PSRC1: variants seen among roughly 807,000 people sequenced by gnomAD.
PSRC1 encodes proline/serine-rich coiled-coil protein 1.
Under a neutral mutation model 31.9 loss-of-function variants are expected in PSRC1, and 30 were observed. That is an observed-to-expected ratio of 0.94 (90% CI 0.70 to 1.28). The LOEUF (loss-of-function observed/expected upper bound fraction) is 1.28. Among genes scored for constraint, PSRC1 ranks in the 50% most tolerant of loss-of-function variants. The probability of loss-of-function intolerance (pLI) is 0.00; values close to 1 mark genes in which losing one functional copy is unlikely to be tolerated. For synonymous variants in PSRC1, 191 were observed against 192.1 expected (o/e 0.99, Z 0.05); for missense variants, 481 against 472.8 (o/e 1.02, Z -0.16).
Position 109,282,434 on chromosome 1 carries a change from A to G in PSRC1, c.77+84T>C, listed in dbSNP as rs182079453. ...TGCGCCAAACCTTGCTAAGTTACCAACCCAAGCCAATAATTCAGCAGTAAG... is the reference window on the plus strand; with the variant it reads ...TGCGCCAAACCTTGCTAAGTTACCAGCCCAAGCCAATAATTCAGCAGTAAG... On this transcript the variant is annotated intron_variant, in intron 3 of 6. Transcript: ENST00000409138. 4.2e-5 allele frequency: 58 copies of G among 1,377,730 alleles called. No homozygotes were observed. In the East Asian group the frequency reaches 1.3e-3, roughly 31 times the overall value. 85.3% of individuals were successfully genotyped at this position (1,377,730 alleles called of 1,614,324 possible).
At chr1:109,280,190 G>T in intron 6 of PSRC1, 34 bp from the exon 8 acceptor site, 1 of 1,612,438 alleles carries the variant, frequency 6.2e-7, no homozygotes, top group South Asian at 1.1e-5. Context: ...GCTTTAAAAT[G>T]CCCTTCTTCC....
intron 5 of PSRC1, 102 bp from the exon 7 acceptor site, chr1:109,280,591 C>T (rs969424742): frequency 9.5e-7 from 1 of 1,050,594 alleles, no homozygotes; most frequent in African/African-American, 1.6e-5. Context: ...GTACTCTCCC[C>T]CTGACCATGA....
At chr1:109,281,836 T>G (rs770308518) in exon 4 of PSRC1, 1 of 1,613,920 alleles carries the variant, frequency 6.2e-7, no homozygotes, top group Non-Finnish European at 8.5e-7. Flanking sequence ...CCCCAGGCCC[T>G]CGCCTGCGCT....
chr1:109,280,876 G>A, exon 5 of PSRC1: 1 of 1,614,042 alleles, frequency 6.2e-7, no homozygotes, highest in Non-Finnish European at 8.5e-7. Context: ...CCTCTGCCAG[G>A]TGGCACACTC....
exon 7 of PSRC1, chr1:109,279,713 C>A: frequency 5.1e-6 from 1 of 195,088 alleles, no homozygotes; most frequent in Non-Finnish European, 1.1e-5. Context: ...GGCCAGAGTC[C>A]AGTAGAGAAT....
At chr1:109,281,826 C>G (rs780432029) in exon 4 of PSRC1, 3 of 1,613,832 alleles carry the variant, frequency 1.9e-6, no homozygotes, top group Non-Finnish European at 2.5e-6. Context: ...CTCGGCGAGG[C>G]CCCAGGCCCT....
chr1:109,282,228 A>G (rs945488062), intron 3 of PSRC1, 168 bp from the exon 4 acceptor site: 1 of 651,424 alleles, frequency 1.5e-6, no homozygotes, highest in African/African-American at 1.8e-5. Flanking sequence ...ACCTGGTTCT[A>G]TGGGGCCTAA....
Position 109,281,617 on chromosome 1 carries a change from A to T in PSRC1, c.519+2T>A. 1 of 1,606,834 alleles carries T rather than the reference A, an allele frequency of 6.2e-7. No individual in the cohort carries two copies. Among genetic ancestry groups the T allele is most frequent in the South Asian group, 1.1e-5 (1 of 90,166 alleles). ...ACCTCCAACTCAACTCTCTCAACTC[A>T]CCCTCTTCATGTTGGAGGGCCTCTT... On this transcript the variant is annotated splice_donor_variant, in intron 4 of 6. Transcript: ENST00000409138. LOFTEE classifies it high-confidence loss of function.
Position 109,282,670 on chromosome 1 carries a change from CT to C in PSRC1, c.19+9del. 6.4e-7 allele frequency: 1 copy of C among 1,562,716 alleles called. No individual in the cohort carries two copies. ...CCTCCCTTTCATTCTTCCCTCCCTC[CT>C]TTCCTTACCTTCCTCCAAATCCTCC... is the stretch of plus-strand genomic sequence containing the variant. On this transcript the variant is annotated intron_variant, in intron 2 of 6. Coordinates refer to ENST00000409138, the Ensembl canonical transcript of PSRC1.
exon 4 of PSRC1, chr1:109,282,043 A>G: frequency 6.7e-7 from 1 of 1,498,078 alleles, no homozygotes; most frequent in Non-Finnish European, 8.9e-7. Context: ...CAACACTGTT[A>G]TGTCTTCCTC....
rs201004119 is a variant in PSRC1, at chr1:109,281,764, C to T, written c.374G>A (p.Arg125Gln). The stretch of plus-strand genomic sequence containing the variant: ...AGAGTTCACAGTGGGCAGCAGGTCT[C>T]GGACAGGACTATCCTTCAGCACAAA... Residue 125 changes from arginine to glutamine, a missense_variant, in exon 4 of 7, where the codon CGA becomes CAA. Physicochemically the swap from Arg to Gln is conservative, Grantham distance 43 (BLOSUM62 1). Coordinates refer to ENST00000409138, the Ensembl canonical transcript of PSRC1. 3.7e-6 allele frequency: 6 copies of T among 1,613,984 alleles called. No homozygotes were observed. In the Admixed American group the frequency reaches 5.0e-5, roughly 13 times the overall value.
chr1:109,283,060 C>T lies in PSRC1; in HGVS notation c.-34+14G>A, dbSNP rs1657455468. On this transcript the variant is annotated intron_variant, in intron 1 of 6. Coordinates refer to ENST00000409138, the Ensembl canonical transcript of PSRC1. ...CTCCCCTGGCATCACACGCGAAGCA[C>T]ACCTCCAGCCCACCCTGTGTCCACT... The T allele has an allele frequency of 2.6e-6, 1 of 387,702 alleles. No homozygotes were observed. The highest frequency in any genetic ancestry group is 4.7e-6 in the Non-Finnish European group (1 of 211,956). 24.0% of individuals were successfully genotyped at this position (387,702 alleles called of 1,614,324 possible). A position where few individuals can be genotyped will look rare whatever the true frequency, so the allele number is the denominator to read the frequency against.
chr1:109,279,865 A>T, exon 7 of PSRC1: 3 of 490,500 alleles, frequency 6.1e-6, no homozygotes, highest in Middle Eastern at 5.4e-4. Context: ...GATAAAGACA[A>T]ACCACTTGCC....
At chr1:109,282,419 C>A in intron 3 of PSRC1, 99 bp downstream of exon 3, 1 of 1,190,736 alleles carries the variant, frequency 8.4e-7, no homozygotes, top group East Asian at 2.4e-5. Flanking sequence ...TGCGCCAAAC[C>A]TTGCTAAGTT....
At chr1:109,280,536 GA>G in intron 5 of PSRC1, 47 bp from the exon 7 acceptor site, 1 of 1,478,932 alleles carries the variant, frequency 6.8e-7, no homozygotes, top group Non-Finnish European at 9.3e-7. Flanking sequence ...AAGTTTAACT[GA>G]CCTCGAAAAG....
chr1:109,283,117 C>T (rs1657465615), exon 1 of PSRC1: 1 of 243,580 alleles, frequency 4.1e-6, no homozygotes, highest in Non-Finnish European at 8.0e-6. Flanking sequence ...ACGCAACAGG[C>T]TTTCTCCCGC....
At chr1:109,281,837 C>T (rs144416204) in exon 4 of PSRC1, 10 of 1,613,784 alleles carry the variant, frequency 6.2e-6, no homozygotes, top group African/African-American at 4.0e-5. Flanking sequence ...CCCAGGCCCT[C>T]GCCTGCGCTC....
chr1:109,282,819 G>A, intron 1 of PSRC1, 83 bp from the exon 2 acceptor site: 1 of 1,392,076 alleles, frequency 7.2e-7, no homozygotes, highest in Non-Finnish European at 9.9e-7. Flanking sequence ...CAGGGTCGGG[G>A]GTCATGCTGG....
chr1:109,282,868 G>T, intron 1 of PSRC1, 132 bp from the exon 2 acceptor site: 1 of 732,752 alleles, frequency 1.4e-6, no homozygotes, highest in Non-Finnish European at 2.3e-6. Flanking sequence ...CTCCCGCACA[G>T]CTACTCCTGC....
Sources: allele counts gnomAD v4.1 joint callset, GRCh38; gene constraint gnomAD v4.1.1; transcripts MANE v1.5; gene names NCBI Gene and HGNC (gene_info 2026-07-23, HGNC 2026-07-21).